ITPR1: variants seen among roughly 807,000 people sequenced by gnomAD.
The protein encoded by ITPR1 is inositol 1,4,5-trisphosphate receptor type 1.
In ITPR1, 96 loss-of-function variants were observed where a neutral mutation model predicts 318.4. The ratio of observed to expected loss-of-function variants is 0.30; its 90% CI spans 0.26 to 0.36. The LOEUF (loss-of-function observed/expected upper bound fraction) is 0.36. Ranked by LOEUF, ITPR1 falls within the 10% of genes least tolerant of loss-of-function variation. The pLI is 1.00. For missense variants in ITPR1, 2,440 were observed against 3,460.2 expected (o/e 0.71, Z 7.40); for synonymous variants, 1,312 against 1,289.9 (o/e 1.02, Z -0.37).
intron 10 of ITPR1, among the ~76,000 whole-genome samples, chr3:4,650,920 C>G (rs1375261251): frequency 6.6e-6 from 1 of 152,088 alleles, no homozygotes; most frequent in Non-Finnish European, 1.5e-5. Flanking sequence ...GTCTGTTGTT[C>G]TTTAAAGAGT....
intron 4 of ITPR1, among the ~76,000 whole-genome samples, chr3:4,571,525 A>G (rs1242717033): frequency 1.3e-5 from 2 of 151,980 alleles, no homozygotes; most frequent in Non-Finnish European, 2.9e-5. Context: ...AATTTTATGT[A>G]GAACTGCTAC....
At chr3:4,589,489 C>G (rs1051733287) in intron 4 of ITPR1, among the ~76,000 whole-genome samples, 8 of 152,292 alleles carry the variant, frequency 5.3e-5, no homozygotes, top group African/African-American at 1.9e-4. Context: ...TGAATCATAA[C>G]ATGCATTGGA....
chr3:4,540,865 C>G (rs2124974619), intron 4 of ITPR1, among the ~76,000 whole-genome samples: 1 of 152,252 alleles, frequency 6.6e-6, no homozygotes, highest in South Asian at 2.1e-4. Context: ...TGTGAGACAC[C>G]ACGCCTAGCT....
chr3:4,814,239 T>C (rs1031708326), intron 57 of ITPR1, 184 bp from the exon 58 acceptor site: 15 of 649,594 alleles, frequency 2.3e-5, no homozygotes, highest in Non-Finnish European at 3.8e-5. Flanking sequence ...GGGTTAGCGA[T>C]GAAAACAGTT....
At chr3:4,532,234 GAAGA>G (rs745434266) in intron 4 of ITPR1, among the ~76,000 whole-genome samples, 8 of 152,216 alleles carry the variant, frequency 5.3e-5, no homozygotes, top group Non-Finnish European at 8.8e-5. Context: ...TGGAATGAAT[GAAGA>G]GAGACCTCTA....
rs547622651 is a variant in ITPR1 at position 4,617,318 on chromosome 3, A to T, written c.164-10445A>T. Among the ~76,000 whole-genome samples the T allele has an allele frequency of 1.2e-3, 177 of 152,246 alleles. 1 individual carries two copies. Among genetic ancestry groups the T allele is most frequent in the African/African-American group, 3.9e-3 (161 of 41,546 alleles). ...TCTGGAGGCTGGGAAGTCCAATGTC[A>T]AGGTGCCAGCAGGTTTTGGTGTCTG... is the stretch of plus-strand genomic sequence containing the variant. On this transcript the variant is annotated intron_variant, in intron 4 of 61. Transcript: ENST00000649015.
intron 60 of ITPR1, among the ~76,000 whole-genome samples, chr3:4,824,869 G>A (rs1357278979): frequency 6.6e-6 from 1 of 152,188 alleles, no homozygotes; most frequent in Non-Finnish European, 1.5e-5. Context: ...TGCAGCCCTT[G>A]CAAAGGATGT....
At chr3:4,542,084 T>A (rs909598855) in intron 4 of ITPR1, among the ~76,000 whole-genome samples, 1 of 152,242 alleles carries the variant, frequency 6.6e-6, no homozygotes, top group Non-Finnish European at 1.5e-5. Flanking sequence ...CATTTCTAAA[T>A]GTTCTATTTG....
chr3:4,749,015 C>T (rs1451112775), intron 44 of ITPR1, among the ~76,000 whole-genome samples: 3 of 152,164 alleles, frequency 2.0e-5, no homozygotes, highest in African/African-American at 7.2e-5. Flanking sequence ...TGGGCTGATG[C>T]GCTTCGGTGA....
At chr3:4,513,443 T>C (rs1393491242) in intron 2 of ITPR1, among the ~76,000 whole-genome samples, 2 of 152,196 alleles carry the variant, frequency 1.3e-5, no homozygotes. Flanking sequence ...GGGAAGGATC[T>C]GTCCTCCCCT....
intron 57 of ITPR1, among the ~76,000 whole-genome samples, chr3:4,814,055 G>C (rs559022027): frequency 6.6e-6 from 1 of 152,306 alleles, no homozygotes; most frequent in African/African-American, 2.4e-5. Context: ...GTGTCCTGTG[G>C]CATAACCCTC....
At chr3:4,559,752 T>C (rs2086488355) in intron 4 of ITPR1, among the ~76,000 whole-genome samples, 1 of 152,178 alleles carries the variant, frequency 6.6e-6, no homozygotes, top group African/African-American at 2.4e-5. Flanking sequence ...TGTGGGAGAA[T>C]CCATATAATC....
intron 4 of ITPR1, among the ~76,000 whole-genome samples, chr3:4,566,607 C>CACACAT (rs1028139984): frequency 8.3e-6 from 1 of 120,314 alleles, no homozygotes; most frequent in Admixed American, 7.8e-5. Flanking sequence ...GACACATGCA[C>CACACAT]ACACACACAC....
intron 49 of ITPR1, 27 bp from the exon 50 acceptor site, chr3:4,782,592 T>C (rs1053875310): frequency 4.4e-6 from 7 of 1,586,468 alleles, no homozygotes; most frequent in East Asian, 2.3e-5. Flanking sequence ...TGAAACAGGA[T>C]TTTTGTTCCC....
intron 3 of ITPR1, among the ~76,000 whole-genome samples, chr3:4,518,944 C>A (rs949869978): frequency 3.9e-5 from 6 of 152,140 alleles, no homozygotes; most frequent in African/African-American, 1.4e-4. Context: ...GGGCAGGATT[C>A]TTGGGCCTCA....
chr3:4,766,477 G>C, intron 44 of ITPR1, 53 bp from the exon 45 acceptor site: 1 of 1,490,780 alleles, frequency 6.7e-7, no homozygotes, highest in Non-Finnish European at 9.3e-7. Flanking sequence ...CATGAGTGGG[G>C]TGCAGTTTCT....
chr3:4,645,503 T>C (rs1279872507), intron 9 of ITPR1, 33 bp downstream of exon 9: 2 of 1,604,360 alleles, frequency 1.2e-6, no homozygotes, highest in Non-Finnish European at 1.7e-6. Context: ...TGAGCATTAC[T>C]TGGCTCTTCT....
intron 4 of ITPR1, among the ~76,000 whole-genome samples, chr3:4,542,737 G>C (rs571569818): frequency 6.6e-5 from 10 of 152,182 alleles, no homozygotes; most frequent in African/African-American, 2.2e-4. Flanking sequence ...TTTTGATCTT[G>C]AGTAGGTGCA....
rs550532547 is a variant in ITPR1, at chr3:4,742,050, G to A, written c.5544+6696G>A. 5.9e-5 allele frequency among the ~76,000 whole-genome samples: 9 copies of A among 152,268 alleles called. No homozygotes were observed. The South Asian group carries it at 1.5e-3, about 25-fold the overall frequency. On this transcript the variant is annotated intron_variant, in intron 44 of 61. Coordinates refer to ENST00000649015, the MANE Select transcript of ITPR1 (RefSeq NM_001378452.1). The stretch of plus-strand genomic sequence containing the variant: ...GAGACACTGCCCTTCTGCGGAAGCT[G>A]TGAGGGGTCAGCAAAGCCACCCCAG...
Sources: allele counts gnomAD v4.1 joint callset (sites outside exome capture counted in the v4.1 genomes callset), GRCh38; gene constraint gnomAD v4.1.1; transcripts MANE v1.5; gene names NCBI Gene and HGNC (gene_info 2026-07-23, HGNC 2026-07-21).